CADM2: variants seen among roughly 807,000 people sequenced by gnomAD.
The protein encoded by CADM2 is immunoglobulin superfamily member 4D.
In CADM2, 12 loss-of-function variants were observed where a neutral mutation model predicts 49.8. The observed-to-expected ratio is 0.24, with a 90% CI of 0.15 to 0.39. CADM2 has a LOEUF of 0.39. Among genes scored for constraint, CADM2 ranks in the 10% least tolerant of loss-of-function variants. The pLI is 1.00. For missense variants in CADM2, 378 were observed against 492.3 expected (o/e 0.77, Z 2.20); for synonymous variants, 214 against 175.4 (o/e 1.22, Z -1.74).
At chr3:85,767,622 G>A (rs986382480) in intron 2 of CADM2, among the ~76,000 whole-genome samples, 1 of 152,094 alleles carries the variant, frequency 6.6e-6, no homozygotes, top group African/African-American at 2.4e-5. Flanking sequence ...TCATGAGAGT[G>A]CTGCCACCTC....
chr3:85,419,960 TAGG>T (rs1302644443), intron 1 of CADM2, among the ~76,000 whole-genome samples: 1 of 152,160 alleles, frequency 6.6e-6, no homozygotes, highest in Non-Finnish European at 1.5e-5. Flanking sequence ...GACAAGCTTG[TAGG>T]AGATGTACTA....
At chr3:85,307,121 A>C (rs2044231601) in intron 1 of CADM2, among the ~76,000 whole-genome samples, 1 of 151,596 alleles carries the variant, frequency 6.6e-6, no homozygotes, top group South Asian at 2.1e-4. Context: ...ATTATGTTGC[A>C]AAAAATACTT....
chr3:85,304,325 T>G (rs1265367697), intron 1 of CADM2, among the ~76,000 whole-genome samples: 1 of 151,828 alleles, frequency 6.6e-6, no homozygotes, highest in African/African-American at 2.4e-5. Context: ...AAACGGTATA[T>G]CATAACTACA....
intron 3 of CADM2, among the ~76,000 whole-genome samples, chr3:85,865,656 T>C (rs1216014448): frequency 6.6e-6 from 1 of 152,228 alleles, no homozygotes; most frequent in African/African-American, 2.4e-5. Context: ...TGTAAAATTT[T>C]TGAAAAGCTT....
At chr3:86,045,093 A>G (rs575073935) in intron 8 of CADM2, among the ~76,000 whole-genome samples, 10 of 151,740 alleles carry the variant, frequency 6.6e-5, no homozygotes, top group Non-Finnish European at 1.2e-4. Flanking sequence ...GCATTAGGAG[A>G]TATACCTAAT....
chr3:84,965,365 A>G (rs575635241), intron 1 of CADM2, among the ~76,000 whole-genome samples: 6 of 152,232 alleles, frequency 3.9e-5, no homozygotes, highest in Non-Finnish European at 8.8e-5. Flanking sequence ...ACAGGAAAGC[A>G]GTCATGTGGC....
intron 3 of CADM2, among the ~76,000 whole-genome samples, chr3:85,815,608 A>G (rs984710978): frequency 2.6e-5 from 4 of 152,124 alleles, no homozygotes; most frequent in African/African-American, 7.2e-5. Flanking sequence ...AAATAATAAG[A>G]GCTATTTATG....
At chr3:85,949,688 T>C (rs1366095399) in intron 7 of CADM2, among the ~76,000 whole-genome samples, 1 of 151,246 alleles carries the variant, frequency 6.6e-6, no homozygotes, top group African/African-American at 2.4e-5. Flanking sequence ...AGATAAATGC[T>C]ATGGACTTTA....
intron 1 of CADM2, among the ~76,000 whole-genome samples, chr3:85,606,765 C>T (rs890870446): frequency 1.3e-5 from 2 of 151,556 alleles, no homozygotes; most frequent in East Asian, 1.9e-4. Flanking sequence ...GTAATGGAAG[C>T]GAGTGGAAGA....
intron 2 of CADM2, among the ~76,000 whole-genome samples, chr3:85,730,294 T>A (rs1283482086): frequency 6.6e-6 from 1 of 151,732 alleles, no homozygotes; most frequent in African/African-American, 2.4e-5. Flanking sequence ...ATACAAAAAA[T>A]AGGCAGGTGT....
rs1350142976 is a variant in CADM2 at position 86,003,958 on chromosome 3, G to A, written c.970+42311G>A. Among the ~76,000 whole-genome samples, 3 of 152,082 alleles carry A rather than the reference G, an allele frequency of 2.0e-5. No individual in the cohort carries two copies. In the East Asian group the frequency reaches 5.8e-4, roughly 29 times the overall value. On this transcript the variant is annotated intron_variant, in intron 8 of 9. Coordinates refer to ENST00000383699, the MANE Select transcript of CADM2 (RefSeq NM_001167675.2). ...AATATCACAATAGGACTTTTTTAAAGGTTAAATATACTTTCATAGGTACTT... is the reference window on the plus strand; with the variant it reads ...AATATCACAATAGGACTTTTTTAAAAGTTAAATATACTTTCATAGGTACTT...
intron 1 of CADM2, among the ~76,000 whole-genome samples, chr3:85,571,371 T>G (rs1681319653): frequency 6.6e-6 from 1 of 151,876 alleles, no homozygotes; most frequent in African/African-American, 2.4e-5. Flanking sequence ...CCTTAGAATC[T>G]TATGCTTAGG....
At chr3:86,055,093 A>G (rs1559828379) in intron 8 of CADM2, among the ~76,000 whole-genome samples, 4 of 152,114 alleles carry the variant, frequency 2.6e-5, no homozygotes, top group African/African-American at 9.7e-5. Flanking sequence ...TTTAGCATAT[A>G]TTTTTTTCTG....
chr3:85,049,496 T>G lies in CADM2; in HGVS notation c.61+89828T>G, dbSNP rs560613116. The stretch of plus-strand genomic sequence containing the variant: ...CTCCCGAGTAACTGGGATTACAGGC[T>G]CACACCACCACACCCGGCTATTTCT... On this transcript the variant is annotated intron_variant, in intron 1 of 9. Coordinates refer to ENST00000383699, the MANE Select transcript of CADM2 (RefSeq NM_001167675.2). Among the ~76,000 whole-genome samples, 508 of 151,774 alleles carry G rather than the reference T, an allele frequency of 3.3e-3. 5 individuals are homozygous for G. The highest frequency in any genetic ancestry group is 5.0e-3 in the Non-Finnish European group (338 of 67,878).
At chr3:85,692,861 C>G (rs1006348254) in intron 1 of CADM2, among the ~76,000 whole-genome samples, 1 of 152,168 alleles carries the variant, frequency 6.6e-6, no homozygotes, top group Non-Finnish European at 1.5e-5. Flanking sequence ...ATTTTGATGA[C>G]TCAGAATTAG....
intron 1 of CADM2, among the ~76,000 whole-genome samples, chr3:85,631,698 T>C (rs2064312876): frequency 6.6e-6 from 1 of 152,142 alleles, no homozygotes; most frequent in Non-Finnish European, 1.5e-5. Context: ...ACAATAGAAG[T>C]CTAAGAATCA....
Position 86,068,073 on chromosome 3 carries a change from T to G in CADM2, c.*1290T>G, listed in dbSNP as rs763706989. The G allele has an allele frequency of 5.2e-5, 8 of 152,382 alleles. No individual in the cohort carries two copies. Among genetic ancestry groups the G allele is most frequent in the Non-Finnish European group, 1.2e-4 (8 of 67,856 alleles). 9.4% of individuals were successfully genotyped at this position (152,382 alleles called of 1,614,324 possible). A position where few individuals can be genotyped will look rare whatever the true frequency, so the allele number is the denominator to read the frequency against. ...CCTATGTTGGTTTGCCAAAAAGAAG[T>G]GTTTAAGATATGTTTTCTGTATAAA... On this transcript the variant is annotated 3_prime_UTR_variant, in exon 10 of 10. Coordinates refer to ENST00000383699, the MANE Select transcript of CADM2 (RefSeq NM_001167675.2).
intron 1 of CADM2, among the ~76,000 whole-genome samples, chr3:85,106,808 G>A (rs952984993): frequency 6.6e-5 from 10 of 152,064 alleles, no homozygotes; most frequent in African/African-American, 2.4e-4. Flanking sequence ...GAAGAGAGAA[G>A]CATCTATATA....
rs187951882 is a variant in CADM2, at chr3:85,282,095, A to G, written c.61+322427A>G. Among the ~76,000 whole-genome samples, 12 of 151,996 alleles carry G rather than the reference A, an allele frequency of 7.9e-5. No homozygotes were observed. The East Asian group carries it at 2.1e-3, about 27-fold the overall frequency. ...ATGTGTGAAATATTATACATAAAACATATATTAAAATTATATCATTTAACT... is the reference window on the plus strand; with the variant it reads ...ATGTGTGAAATATTATACATAAAACGTATATTAAAATTATATCATTTAACT... On this transcript the variant is annotated intron_variant, in intron 1 of 9. Transcript: ENST00000383699.
Sources: allele counts gnomAD v4.1 joint callset (sites outside exome capture counted in the v4.1 genomes callset), GRCh38; gene constraint gnomAD v4.1.1; transcripts MANE v1.5; gene names NCBI Gene and HGNC (gene_info 2026-07-23, HGNC 2026-07-21).